The following CARF variants were observed in gnomAD, a reference collection of about 807,000 sequenced individuals.
The protein encoded by CARF is calcium-responsive transcription factor.
A neutral mutation model predicts 82.0 loss-of-function variants in CARF; 57 were observed. The ratio of observed to expected loss-of-function variants is 0.70; its 90% CI spans 0.56 to 0.87. CARF has a LOEUF of 0.87. Ranked by LOEUF, CARF falls within the 40% of genes least tolerant of loss-of-function variation. The pLI is 0.00. For synonymous variants in CARF, 268 were observed against 290.1 expected (o/e 0.92, Z 0.77); for missense variants, 771 against 855.8 (o/e 0.90, Z 1.24).
chr2:202,974,393 C>T lies in CARF; in HGVS notation c.1391C>T (p.Ser464Phe). 6.2e-7 allele frequency: 1 copy of T among 1,609,772 alleles called. No homozygotes were observed. ...GAGGTACCTGAAAGACATAATTTAT[C>T]TTTTTTTCCAACTGTAAATGATATA... ...PDEVPERHNL[S>F]FFPTVNDIKN... Residue 464 changes from serine (S) to phenylalanine (F), a missense_variant, in exon 13 of 17, where the codon TCT (serine) becomes TTT (phenylalanine). By Grantham distance (155) the Ser-to-Phe change is radical. Transcript: ENST00000438828.
chr2:202,953,497 T>TG (rs1359676638), intron 6 of CARF, among the ~76,000 whole-genome samples: 4 of 100,588 alleles, frequency 4.0e-5, no homozygotes, highest in African/African-American at 8.4e-5. Flanking sequence ...CTTTTTTTGT[T>TG]GTTTTTTTTT....
At chr2:202,958,010 A>G (rs2059130627) in intron 8 of CARF, among the ~76,000 whole-genome samples, 1 of 152,118 alleles carries the variant, frequency 6.6e-6, no homozygotes, top group South Asian at 2.1e-4. Flanking sequence ...TAAAAATTAG[A>G]CTTTTTGAGG....
intron 3 of CARF, among the ~76,000 whole-genome samples, chr2:202,938,956 G>A (rs374921665): frequency 1.3e-5 from 2 of 151,998 alleles, no homozygotes; most frequent in African/African-American, 2.4e-5. Context: ...GCCACTGTAC[G>A]TCTAATTTCA....
rs1220787477 is a variant in CARF at position 202,986,871 on chromosome 2, T to TATATATATATATATACATAC, written c.*3262_*3263insCATACATATATATATATATA. Reference sequence around the variant, plus strand: ...GAGGTTTAAAAAATGTCTGTGCGTATATATATATATATATATATATATATA... The same window carrying TATATATATATATATACATAC: ...GAGGTTTAAAAAATGTCTGTGCGTATATATATATATATATACATACATATATATATATATATATATATATA... On this transcript the variant is annotated 3_prime_UTR_variant, in exon 17 of 17. Transcript: ENST00000438828. 1 of 41,490 alleles carries TATATATATATATATACATAC rather than the reference T, an allele frequency of 2.4e-5. No individual in the cohort carries two copies. The highest frequency in any genetic ancestry group is 8.9e-5 in the African/African-American group (1 of 11,218). 2.6% of individuals were successfully genotyped at this position (41,490 alleles called of 1,614,324 possible).
At chr2:202,938,633 G>C (rs974201711) in intron 3 of CARF, among the ~76,000 whole-genome samples, 6 of 130,922 alleles carry the variant, frequency 4.6e-5, no homozygotes, top group African/African-American at 1.7e-4. Flanking sequence ...AAAAAAAATG[G>C]GGGGTTTTGT....
At chr2:202,942,632 A>C in intron 4 of CARF, 108 bp from the exon 5 acceptor site, 1 of 1,059,940 alleles carries the variant, frequency 9.4e-7, no homozygotes, top group Non-Finnish European at 1.3e-6. Context: ...GACAACTCTT[A>C]CAAAAAAGTA....
intron 3 of CARF, chr2:202,925,016 T>C (rs1691534011): frequency 2.5e-6 from 1 of 402,408 alleles, no homozygotes; most frequent in Admixed American, 2.7e-5. Flanking sequence ...TGGATCCTTT[T>C]GCAGCAGCAA....
At chr2:202,930,583 A>G (rs1313368166) in intron 3 of CARF, among the ~76,000 whole-genome samples, 3 of 151,896 alleles carry the variant, frequency 2.0e-5, no homozygotes, top group Non-Finnish European at 4.4e-5. Flanking sequence ...TATTATTTGT[A>G]TCTCTTTGTT....
chr2:202,954,228 A>G, intron 7 of CARF, 94 bp downstream of exon 7: 3 of 1,364,844 alleles, frequency 2.2e-6, no homozygotes, highest in Non-Finnish European at 3.0e-6. Context: ...TATAGAGAAA[A>G]TCAGAAGATA....
chr2:202,979,428 T>G (rs2060156639), intron 14 of CARF, among the ~76,000 whole-genome samples: 1 of 152,080 alleles, frequency 6.6e-6, no homozygotes, highest in Non-Finnish European at 1.5e-5. Context: ...AATGCATGAT[T>G]GCTGTTTAGT....
chr2:202,939,343 C>A (rs2058104647), intron 3 of CARF, among the ~76,000 whole-genome samples: 3 of 152,074 alleles, frequency 2.0e-5, no homozygotes, highest in Admixed American at 2.0e-4. Flanking sequence ...TCTGGATAAA[C>A]CCATTGTAAA....
At chr2:202,947,596 T>A (rs573126008) in intron 5 of CARF, among the ~76,000 whole-genome samples, 1 of 152,320 alleles carries the variant, frequency 6.6e-6, no homozygotes, top group African/African-American at 2.4e-5. Context: ...TATACATATG[T>A]AACAAACTTG....
intron 14 of CARF, 46 bp downstream of exon 14, chr2:202,977,378 T>C: frequency 7.2e-7 from 1 of 1,393,032 alleles, no homozygotes; most frequent in Non-Finnish European, 1.0e-6. Flanking sequence ...AAATGGTGTT[T>C]AACTGGAAGG....
At chr2:202,935,493 G>A (rs1483095737) in intron 3 of CARF, among the ~76,000 whole-genome samples, 1 of 151,788 alleles carries the variant, frequency 6.6e-6, no homozygotes. Flanking sequence ...ACAGGCTGGA[G>A]TGCAGTGGCA....
intron 5 of CARF, among the ~76,000 whole-genome samples, chr2:202,950,707 T>G (rs1424600860): frequency 6.6e-6 from 1 of 152,218 alleles, no homozygotes; most frequent in Non-Finnish European, 1.5e-5. Context: ...TGTGACAGTT[T>G]CCTCATTTAT....
At chr2:202,916,407 T>TC (rs1441435093) in intron 1 of CARF, among the ~76,000 whole-genome samples, 2 of 152,044 alleles carry the variant, frequency 1.3e-5, no homozygotes, top group Non-Finnish European at 2.9e-5. Context: ...GGTCTCAATC[T>TC]CTTAACTTCG....
At position 202,987,988 on chromosome 2, in the gene CARF, G is replaced by T. The variant is rs1476398747; in HGVS notation, c.*4364G>T. 6.6e-6 allele frequency among the ~76,000 whole-genome samples: 1 copy of T among 151,922 alleles called. No homozygotes were observed. The highest frequency in any genetic ancestry group is 1.9e-4 in the East Asian group (1 of 5,188). Reference sequence around the variant, plus strand: ...GATCCCTTCTTACTTAATCCTCCTTGCCACCCCACCATCACCAGACCACTG... The same window carrying T: ...GATCCCTTCTTACTTAATCCTCCTTTCCACCCCACCATCACCAGACCACTG... On this transcript the variant is annotated 3_prime_UTR_variant, in exon 17 of 17. Transcript: ENST00000438828.
chr2:202,974,280 A>G, intron 12 of CARF, 54 bp from the exon 13 acceptor site: 2 of 1,302,554 alleles, frequency 1.5e-6, no homozygotes, highest in Non-Finnish European at 2.1e-6. Context: ...CTTTTGATCT[A>G]AAGGCATATT....
Position 202,983,795 on chromosome 2 carries a change from T to G in CARF, c.*171T>G, listed in dbSNP as rs1397461884. On this transcript the variant is annotated 3_prime_UTR_variant, in exon 17 of 17. Coordinates refer to ENST00000438828, the MANE Select transcript of CARF (RefSeq NM_024744.17). The stretch of plus-strand genomic sequence containing the variant: ...TGCCAGTTCCATATTTTTACCTTCC[T>G]TAAGAGATGTTTTACTCTTCTTATT... 16 of 556,790 alleles carry G rather than the reference T, an allele frequency of 2.9e-5. No homozygotes were observed. The highest frequency in any genetic ancestry group is 5.0e-5 in the Non-Finnish European group (16 of 320,684). The allele number at this position is 556,790 out of a possible 1,614,324, so 34.5% of individuals were successfully genotyped here. A position where few individuals can be genotyped will look rare whatever the true frequency, so the allele number is the denominator to read the frequency against.
Sources: allele counts gnomAD v4.1 joint callset (sites outside exome capture counted in the v4.1 genomes callset), GRCh38; gene constraint gnomAD v4.1.1; transcripts MANE v1.5; gene names NCBI Gene and HGNC (gene_info 2026-07-23, HGNC 2026-07-21).